The following NAALAD2 variants were observed in gnomAD, a reference collection of about 807,000 sequenced individuals.
NAALAD2 encodes N-acetylated alpha-linked acidic dipeptidase 2.
In NAALAD2, 89 loss-of-function variants were observed where a neutral mutation model predicts 95.6. The observed-to-expected ratio is 0.93, with a 90% CI of 0.78 to 1.11. The LOEUF is 1.11. Among genes scored for constraint, NAALAD2 ranks in the 50% least tolerant of loss-of-function variants. The probability of loss-of-function intolerance (pLI) is 0.00; values close to 1 mark genes in which losing one functional copy is unlikely to be tolerated. For synonymous variants in NAALAD2, 264 were observed against 294.4 expected (o/e 0.90, Z 1.06); for missense variants, 894 against 872.4 (o/e 1.02, Z -0.31).
chr11:90,165,732 T>C (rs1952423498), intron 11 of NAALAD2, among the ~76,000 whole-genome samples: 1 of 152,204 alleles, frequency 6.6e-6, no homozygotes, highest in Non-Finnish European at 1.5e-5. Flanking sequence ...CAGGTCATTA[T>C]CTTTTTTCCC....
At chr11:90,178,577 A>G (rs1352860976) in intron 16 of NAALAD2, among the ~76,000 whole-genome samples, 1 of 152,096 alleles carries the variant, frequency 6.6e-6, no homozygotes, top group Non-Finnish European at 1.5e-5. Context: ...AGGCTGAGGC[A>G]GGAGAATGGC....
rs372095839 is a variant in NAALAD2 at position 90,191,894 on chromosome 11, C to CT, written c.*157dup. 2,884 of 432,268 alleles carry CT rather than the reference C, an allele frequency of 6.7e-3. 1 individual carries two copies. Among genetic ancestry groups the CT allele is most frequent in the African/African-American group, 0.014 (645 of 47,156 alleles). The allele number at this position is 432,268 out of a possible 1,614,324, so 26.8% of individuals were successfully genotyped here. ...GCTTTGGTCTTTTCATCTGCAAAGC[C>CT]TTTTTTTTTTGCTCTTTAAAAGTTA... On this transcript the variant is annotated 3_prime_UTR_variant, in exon 19 of 19. Transcript: ENST00000534061.
rs765020145 is a variant in NAALAD2, at chr11:90,158,130, A to G, written c.797-15A>G. The G allele has an allele frequency of 6.4e-7, 1 of 1,562,812 alleles. No individual in the cohort carries two copies. Among genetic ancestry groups the G allele is most frequent in the Non-Finnish European group, 8.8e-7 (1 of 1,138,984 alleles). Reference sequence around the variant, plus strand: ...TTTTTAAATTGTTTTCATTTTATGCATTTGATTTTTTTAGAATACACTTTC... The same window carrying G: ...TTTTTAAATTGTTTTCATTTTATGCGTTTGATTTTTTTAGAATACACTTTC... On this transcript the variant is annotated splice_polypyrimidine_tract_variant and intron_variant, in intron 6 of 18. Transcript: ENST00000534061.
intron 6 of NAALAD2, among the ~76,000 whole-genome samples, chr11:90,157,869 C>T (rs1381687213): frequency 6.6e-6 from 1 of 151,896 alleles, no homozygotes. Context: ...TACAGGCATG[C>T]GCCACCACGT....
chr11:90,183,119 G>T, intron 18 of NAALAD2, 111 bp downstream of exon 18: 1 of 684,132 alleles, frequency 1.5e-6, no homozygotes, highest in Non-Finnish European at 2.7e-6. Context: ...GTACACTCTA[G>T]GGAATTTGGG....
At chr11:90,154,557 A>G (rs1590976235) in intron 6 of NAALAD2, among the ~76,000 whole-genome samples, 1 of 151,754 alleles carries the variant, frequency 6.6e-6, no homozygotes. Flanking sequence ...GTTTCTGTCT[A>G]TGGTCATAAG....
chr11:90,159,323 G>A lies in NAALAD2; in HGVS notation c.975G>A (p.Gly325=). 1 of 1,612,934 alleles carries A rather than the reference G, an allele frequency of 6.2e-7. No homozygotes were observed. The highest frequency in any genetic ancestry group is 8.5e-7 in the Non-Finnish European group (1 of 1,179,168). The change falls in exon 8 of 19, where the codon GGG becomes GGA. Residue 325 remains glycine (G), a synonymous_variant. Transcript: ENST00000534061. ...ATAGTATCGGACCTGGCTTTACAGG[G>A]AGTGATTCTTTCAGGTAATTTTGCA... ...VSYSIGPGFT[G]SDSFRKVRMH... is the part of the protein sequence containing the mutation.
chr11:90,161,784 C>T (rs951927572), intron 8 of NAALAD2, among the ~76,000 whole-genome samples: 2 of 151,628 alleles, frequency 1.3e-5, no homozygotes, highest in African/African-American at 2.4e-5. Flanking sequence ...GACACAATAC[C>T]GATGAATTTG....
intron 2 of NAALAD2, among the ~76,000 whole-genome samples, chr11:90,142,742 G>A (rs1033088452): frequency 6.6e-6 from 1 of 151,984 alleles, no homozygotes; most frequent in Admixed American, 6.6e-5. Context: ...TTAAACTTAA[G>A]TCTGCCACTT....
At chr11:90,181,724 TTTAAAAA>T (rs773238146) in intron 17 of NAALAD2, 23 bp downstream of exon 17, 50 of 1,381,690 alleles carry the variant, frequency 3.6e-5, no homozygotes, top group South Asian at 2.4e-4. Context: ...TCCCTTTTTT[TTTAAAAA>T]AAAAAAAAAA....
At chr11:90,139,855 C>G (rs974770093) in intron 2 of NAALAD2, among the ~76,000 whole-genome samples, 7 of 144,226 alleles carry the variant, frequency 4.9e-5, no homozygotes, top group Admixed American at 4.1e-4. Context: ...CAAACTTTTC[C>G]TTTTTTTTTT....
intron 16 of NAALAD2, among the ~76,000 whole-genome samples, chr11:90,180,504 G>A (rs954947240): frequency 1.3e-5 from 2 of 151,956 alleles, no homozygotes; most frequent in Non-Finnish European, 2.9e-5. Flanking sequence ...TAGAGCTCAG[G>A]ATTTCTATTA....
rs761030984 is a variant in NAALAD2, at chr11:90,150,504, A to G, written c.506A>G (p.Tyr169Cys). Residue 169 changes from tyrosine to cysteine, a missense_variant, in exon 5 of 19, where the codon TAT (tyrosine) becomes TGT (cysteine). Physicochemically the swap from Tyr to Cys is radical, Grantham distance 194. Transcript: ENST00000534061. ...MPEGDLVYVN[Y>C]ARTEDFFKLE... ...TAGGGAGATCTTGTATATGTGAACTATGCTCGCACTGAAGACTTTTTCAAA... is the reference window on the plus strand; with the variant it reads ...TAGGGAGATCTTGTATATGTGAACTGTGCTCGCACTGAAGACTTTTTCAAA... 1.2e-6 allele frequency: 2 copies of G among 1,609,646 alleles called. No homozygotes were observed. Among genetic ancestry groups the G allele is most frequent in the East Asian group, 2.2e-5 (1 of 44,678 alleles).
At chr11:90,135,396 G>A (rs776100599) in intron 1 of NAALAD2, among the ~76,000 whole-genome samples, 163 bp from the exon 2 acceptor site, 1 of 152,046 alleles carries the variant, frequency 6.6e-6, no homozygotes, top group Non-Finnish European at 1.5e-5. Flanking sequence ...GAATTTACAG[G>A]TTTTCTGCAT....
At chr11:90,155,259 TG>T (rs1205683240) in intron 6 of NAALAD2, among the ~76,000 whole-genome samples, 4 of 125,292 alleles carry the variant, frequency 3.2e-5, no homozygotes, top group African/African-American at 1.2e-4. Flanking sequence ...GTATAATATA[TG>T]TATATAGAAT....
At chr11:90,168,551 T>C (rs1425617172) in intron 11 of NAALAD2, among the ~76,000 whole-genome samples, 1 of 152,166 alleles carries the variant, frequency 6.6e-6, no homozygotes, top group Non-Finnish European at 1.5e-5. Flanking sequence ...AGGCCTCACT[T>C]TTAGCCTCAC....
chr11:90,162,999 A>C lies in NAALAD2; in HGVS notation c.1040A>C (p.Asn347Thr). 1 of 1,575,110 alleles carries C rather than the reference A, an allele frequency of 6.3e-7. No homozygotes were observed. The change falls in exon 9 of 19, where the codon AAT (asparagine) becomes ACT (threonine). Residue 347 changes from asparagine (N) to threonine (T), a missense_variant. Physicochemically the swap from Asn to Thr is moderately conservative, Grantham distance 65. Transcript: ENST00000534061. ...ATCAATAAAATTACAAGGATTTACAATGTAGTTGGAACTATCAGAGGATCT... is the reference window on the plus strand; with the variant it reads ...ATCAATAAAATTACAAGGATTTACACTGTAGTTGGAACTATCAGAGGATCT... The part of the protein sequence containing the change: ...YNINKITRIY[N>T]VVGTIRGSVE...
intron 17 of NAALAD2, among the ~76,000 whole-genome samples, chr11:90,182,366 T>A (rs1435350957): frequency 6.6e-6 from 1 of 152,136 alleles, no homozygotes; most frequent in Non-Finnish European, 1.5e-5. Context: ...TATCAGTAGT[T>A]TTAAGGGACC....
rs1565530353 is a variant in NAALAD2, at chr11:90,162,992, A to AT, written c.1036dup (p.Tyr346LeufsTer14). 6.4e-7 allele frequency: 1 copy of AT among 1,573,794 alleles called. No individual in the cohort carries two copies. The highest frequency in any genetic ancestry group is 8.7e-7 in the Non-Finnish European group (1 of 1,154,574). ...TTATAACATCAATAAAATTACAAGG[A>AT]TTTACAATGTAGTTGGAACTATCAG... On this transcript the variant is annotated frameshift_variant, in exon 9 of 19. Coordinates refer to ENST00000534061, the MANE Select transcript of NAALAD2 (RefSeq NM_005467.4). LOFTEE classifies it high-confidence loss of function.
Sources: allele counts gnomAD v4.1 joint callset (sites outside exome capture counted in the v4.1 genomes callset), GRCh38; gene constraint gnomAD v4.1.1; transcripts MANE v1.5; gene names NCBI Gene and HGNC (gene_info 2026-07-23, HGNC 2026-07-21).